The following DGKB variants were observed in gnomAD, a reference collection of about 807,000 sequenced individuals.
DGKB encodes 90 kDa diacylglycerol kinase.
Under a neutral mutation model 114.3 loss-of-function variants are expected in DGKB, and 67 were observed. That is an observed-to-expected ratio of 0.59 (90% CI 0.48 to 0.72). The LOEUF is 0.72. DGKB is among the 30% of genes least tolerant of loss of function. The pLI is 0.00. For missense variants in DGKB, 907 were observed against 975.2 expected, an observed-to-expected ratio of 0.93 and a Z score of 0.93; for synonymous variants, 398 against 323.1, an observed-to-expected ratio of 1.23 and a Z score of -2.49.
chr7:14,853,091 C>T (rs1443412427), intron 1 of DGKB, among the ~76,000 whole-genome samples: 1 of 152,136 alleles, frequency 6.6e-6, no homozygotes, highest in African/African-American at 2.4e-5. Context: ...TACTCTAATG[C>T]TGTTATTCAA....
At chr7:14,733,355 A>G (rs1229705842) in intron 5 of DGKB, among the ~76,000 whole-genome samples, 1 of 152,190 alleles carries the variant, frequency 6.6e-6, no homozygotes, top group African/African-American at 2.4e-5. Flanking sequence ...AGCTTCTATC[A>G]ACATGTGATT....
chr7:14,431,630 T>C (rs1828463829), intron 21 of DGKB, among the ~76,000 whole-genome samples: 1 of 152,184 alleles, frequency 6.6e-6, no homozygotes, highest in Admixed American at 6.5e-5. Flanking sequence ...ATTTTATCTA[T>C]AAAAAGTACT....
At chr7:14,334,797 A>G (rs1810384490) in intron 23 of DGKB, among the ~76,000 whole-genome samples, 1 of 152,176 alleles carries the variant, frequency 6.6e-6, no homozygotes, top group Non-Finnish European at 1.5e-5. Context: ...AGGGGGAGGA[A>G]AAGATGAACT....
chr7:14,237,425 G>A (rs1203906538), intron 23 of DGKB, among the ~76,000 whole-genome samples: 2 of 151,834 alleles, frequency 1.3e-5, no homozygotes, highest in African/African-American at 2.4e-5. Flanking sequence ...CTGTGAAAGC[G>A]CTAATATATG....
rs1308500069 is a variant in DGKB, at chr7:14,638,082, A to G, written c.1135-7814T>C. ...GATTTTTAAATACAATTTAATATCC[A>G]GAGAAAAACATCTCAATTCTCCTCA... is the stretch of plus-strand genomic sequence containing the variant. On this transcript the variant is annotated intron_variant, in intron 13 of 25. Coordinates refer to ENST00000402815, the MANE Select transcript of DGKB (RefSeq NM_001350709.2). Among the ~76,000 whole-genome samples the G allele has an allele frequency of 1.3e-5, 2 of 152,158 alleles. 1 individual carries two copies. Among genetic ancestry groups the G allele is most frequent in the Admixed American group, 1.3e-4 (2 of 15,280 alleles).
At chr7:14,243,299 G>A (rs974400580) in intron 23 of DGKB, among the ~76,000 whole-genome samples, 2 of 152,132 alleles carry the variant, frequency 1.3e-5, no homozygotes, top group Non-Finnish European at 2.9e-5. Flanking sequence ...TGACTCTGGA[G>A]TCTAGAAGCC....
At chr7:14,768,749 A>G (rs2128466522) in intron 2 of DGKB, among the ~76,000 whole-genome samples, 1 of 152,118 alleles carries the variant, frequency 6.6e-6, no homozygotes, top group Middle Eastern at 3.4e-3. Flanking sequence ...GGGGAGGAGA[A>G]CTGACTGGAA....
At chr7:14,629,875 A>G (rs1292266502) in intron 14 of DGKB, among the ~76,000 whole-genome samples, 1 of 152,114 alleles carries the variant, frequency 6.6e-6, no homozygotes, top group Non-Finnish European at 1.5e-5. Context: ...CAAAGAATAA[A>G]TTCTTTTGGA....
chr7:14,827,523 T>C (rs1441746155), intron 2 of DGKB, among the ~76,000 whole-genome samples: 2 of 152,104 alleles, frequency 1.3e-5, no homozygotes. Flanking sequence ...AACTACTCTT[T>C]GAAAATGCTG....
chr7:14,253,652 G>C (rs565254283), intron 23 of DGKB, among the ~76,000 whole-genome samples: 48 of 152,258 alleles, frequency 3.2e-4, no homozygotes, highest in Non-Finnish European at 5.1e-4. Flanking sequence ...CGATGTAAAT[G>C]AAATTTTAAA....
At chr7:14,344,805 A>G (rs1203102746) in intron 22 of DGKB, among the ~76,000 whole-genome samples, 1 of 151,372 alleles carries the variant, frequency 6.6e-6, no homozygotes, top group Non-Finnish European at 1.5e-5. Context: ...CTTTCTATAA[A>G]TGTAATGGGG....
chr7:14,514,641 T>C, intron 20 of DGKB, among the ~76,000 whole-genome samples: 1 of 152,336 alleles, frequency 6.6e-6, no homozygotes, highest in South Asian at 2.1e-4. Flanking sequence ...ATTGAGATCT[T>C]ATTTGTATCA....
Position 14,170,150 on chromosome 7 carries a change from AAAGAAAGAAAG to A in DGKB, c.2304+6678_2304+6688del, listed in dbSNP as rs1562523273. Reference sequence around the variant, plus strand: ...ACTCCATCTCAAAAAAAAAAAAAAGAAAGAAAGAAAGAAAGAAAGAAAGAAAGAAAGAAAGA... The same window carrying A: ...ACTCCATCTCAAAAAAAAAAAAAAGAAAAGAAAGAAAGAAAGAAAGAAAGA... On this transcript the variant is annotated intron_variant, in intron 25 of 25. Transcript: ENST00000402815. Among the ~76,000 whole-genome samples the A allele has an allele frequency of 2.5e-3, 76 of 29,864 alleles. 3 individuals carry two copies. The African/African-American group carries it at 0.026, about 10-fold the overall frequency. 19.6% of individuals were successfully genotyped at this position (29,864 alleles called of 152,430 possible). A position where few individuals can be genotyped will look rare whatever the true frequency, so the allele number is the denominator to read the frequency against.
intron 16 of DGKB, 31 bp from the exon 17 acceptor site, chr7:14,607,539 T>A (rs1804742548): frequency 9.8e-7 from 1 of 1,019,636 alleles, no homozygotes; most frequent in Admixed American, 1.8e-5. Flanking sequence ...GGAAAAAATT[T>A]AATAATATTC....
At chr7:14,329,246 C>G (rs894571061) in intron 23 of DGKB, among the ~76,000 whole-genome samples, 9 of 151,806 alleles carry the variant, frequency 5.9e-5, no homozygotes, top group African/African-American at 2.2e-4. Flanking sequence ...GTTCACTGGA[C>G]CCTCCTAGCA....
intron 20 of DGKB, among the ~76,000 whole-genome samples, chr7:14,492,151 T>A (rs1784682807): frequency 6.6e-6 from 1 of 152,100 alleles, no homozygotes; most frequent in Non-Finnish European, 1.5e-5. Flanking sequence ...ATTCTAGACA[T>A]AAAACCTATA....
At chr7:14,235,368 T>C (rs1464529549) in intron 23 of DGKB, among the ~76,000 whole-genome samples, 3 of 152,104 alleles carry the variant, frequency 2.0e-5, no homozygotes, top group African/African-American at 7.2e-5. Context: ...ATTATAATTA[T>C]CTTAACCATC....
intron 1 of DGKB, among the ~76,000 whole-genome samples, chr7:14,927,514 A>G (rs534432237): frequency 1.9e-4 from 29 of 152,088 alleles, no homozygotes; most frequent in Middle Eastern, 6.8e-3. Flanking sequence ...TAATTGAAAC[A>G]TTTTAAAACT....
At chr7:14,643,699 G>A (rs980928767) in intron 13 of DGKB, among the ~76,000 whole-genome samples, 2 of 152,146 alleles carry the variant, frequency 1.3e-5, no homozygotes, top group African/African-American at 4.8e-5. Context: ...AGAGCCACCT[G>A]TCTTATCTGC....
Sources: allele counts gnomAD v4.1 joint callset (sites outside exome capture counted in the v4.1 genomes callset), GRCh38; gene constraint gnomAD v4.1.1; transcripts MANE v1.5; gene names NCBI Gene and HGNC (gene_info 2026-07-23, HGNC 2026-07-21).